STAT5B: variants seen among roughly 807,000 people sequenced by gnomAD.
STAT5B encodes transcription factor STAT5B.
A neutral mutation model predicts 107.8 loss-of-function variants in STAT5B; 21 were observed. The ratio of observed to expected loss-of-function variants is 0.19; its 90% CI spans 0.14 to 0.28. The LOEUF (loss-of-function observed/expected upper bound fraction) is 0.28, where lower values mean the gene tolerates loss of function less well. Among genes scored for constraint, STAT5B ranks in the 10% least tolerant of loss-of-function variants. The pLI is 1.00. For missense variants in STAT5B, 565 were observed against 1,008.2 expected, an observed-to-expected ratio of 0.56 and a Z score of 5.95; for synonymous variants, 325 against 401.7, an observed-to-expected ratio of 0.81 and a Z score of 2.28.
chr17:42,230,388 G>A (rs2080308038), intron 2 of STAT5B, among the ~76,000 whole-genome samples: 1 of 152,172 alleles, frequency 6.6e-6, no homozygotes, highest in Non-Finnish European at 1.5e-5. Flanking sequence ...AAATGAATAT[G>A]TCAGATCGAC....
intron 1 of STAT5B, among the ~76,000 whole-genome samples, chr17:42,268,955 T>A (rs2080698145): frequency 6.6e-6 from 1 of 152,234 alleles, no homozygotes; most frequent in African/African-American, 2.4e-5. Flanking sequence ...AGTTTCTTTT[T>A]ATATAGGCTA....
chr17:42,201,989 A>G, intron 18 of STAT5B, 125 bp from the exon 19 acceptor site: 1 of 891,320 alleles, frequency 1.1e-6, no homozygotes, highest in South Asian at 1.5e-5. Flanking sequence ...CTTCATGGGA[A>G]AAGAACAACC....
intron 5 of STAT5B, 130 bp from the exon 6 acceptor site, chr17:42,219,972 T>C: frequency 1.4e-6 from 2 of 1,468,154 alleles, no homozygotes; most frequent in South Asian, 1.3e-5. Context: ...CAAGTCGGGG[T>C]TCCTGACAGC....
rs1286090091 is a variant in STAT5B at position 42,276,154 on chromosome 17, G to A, written c.-11+94C>T. On this transcript the variant is annotated intron_variant, in intron 1 of 18. Transcript: ENST00000293328. This position sits in a 1 kb window ranked among gnomAD's most constrained non-coding sequence, Gnocchi z 4.8. ...GATGGCGGCGGCGCGGCCCTGACGG[G>A]CGGCTGAGCGGCTGGAGCGCGGGCC... 1.3e-5 allele frequency: 2 copies of A among 148,978 alleles called. No homozygotes were observed. Among genetic ancestry groups the A allele is most frequent in the African/African-American group, 4.9e-5 (2 of 40,974 alleles). 9.2% of individuals were successfully genotyped at this position (148,978 alleles called of 1,614,324 possible). A position where few individuals can be genotyped will look rare whatever the true frequency, so the allele number is the denominator to read the frequency against.
At chr17:42,217,071 C>T (rs970759582) in intron 11 of STAT5B, 89 bp downstream of exon 11, 2 of 1,545,144 alleles carry the variant, frequency 1.3e-6, no homozygotes, top group South Asian at 2.4e-5. Context: ...GAAGAAGATG[C>T]TATGTGATAA....
rs146176992 is a variant in STAT5B, at chr17:42,227,567, G to C, written c.247C>G (p.Leu83Val). ...GCATAGTGCCCCAGCTTGATCTTCA[G>C]TAAAAACCCATCTTCCCCCACCTGG... is the stretch of plus-strand genomic sequence containing the variant. ...EHQVGEDGFL[L>V]KIKLGHYATQ... is the part of the protein sequence containing the mutation. The change falls in exon 3 of 19, where the codon CTG (leucine) becomes GTG (valine). Residue 83 changes from leucine to valine, a missense_variant. Physicochemically the swap from Leu to Val is conservative, Grantham distance 32 (BLOSUM62 1). Around this residue, in one of 11 missense-constraint regions of STAT5B, gnomAD observed 83 missense variants for 145.1 expected, o/e 0.57. Transcript: ENST00000293328. 6.2e-7 allele frequency: 1 copy of C among 1,613,496 alleles called. No individual in the cohort carries two copies. Among genetic ancestry groups the C allele is most frequent in the Non-Finnish European group, 8.5e-7 (1 of 1,179,874 alleles).
chr17:42,285,984 C>T, the STAT5B span, among the ~76,000 whole-genome samples: 3 of 152,070 alleles, frequency 2.0e-5, no homozygotes, highest in Admixed American at 6.5e-5. Context: ...CTTTGGGAGG[C>T]CGAGGCGGGT....
At chr17:42,213,359 A>C (rs1161393220) in intron 12 of STAT5B, among the ~76,000 whole-genome samples, 2 of 151,946 alleles carry the variant, frequency 1.3e-5, no homozygotes, top group East Asian at 1.9e-4. Context: ...GGCGTGCACC[A>C]CCATGCCTGG....
chr17:42,254,417 T>C (rs1053018098), intron 1 of STAT5B, among the ~76,000 whole-genome samples: 14 of 152,070 alleles, frequency 9.2e-5, no homozygotes, highest in African/African-American at 3.4e-4. Flanking sequence ...CTAAATTCCA[T>C]AGATTACTTT....
At chr17:42,258,435 T>C (rs750099759) in intron 1 of STAT5B, among the ~76,000 whole-genome samples, 9 of 152,098 alleles carry the variant, frequency 5.9e-5, no homozygotes, top group Non-Finnish European at 1.3e-4. Context: ...TCCCAGCACT[T>C]TGGGAGGCTG....
At chr17:42,276,694 A>C (rs534000635), upstream of STAT5B, 1 of 151,584 alleles carries the variant, frequency 6.6e-6, no homozygotes, top group South Asian at 2.1e-4. This position sits in a 1 kb window ranked among gnomAD's most constrained non-coding sequence, Gnocchi z 4.8. Flanking sequence ...CCGCAAGCAC[A>C]TGCTGCTTTG....
Position 42,266,334 on chromosome 17 carries a change from C to T in STAT5B, c.-11+9914G>A, listed in dbSNP as rs866553719. Among the ~76,000 whole-genome samples the T allele has an allele frequency of 1.1e-4, 16 of 151,486 alleles. No homozygotes were observed. The Middle Eastern group carries it at 0.01, about 97-fold the overall frequency. On this transcript the variant is annotated intron_variant, in intron 1 of 18. Transcript: ENST00000293328. Reference sequence around the variant, plus strand: ...CTTGAGCTCAGGACTTTGAGACCAGCCCGGGCAACATAGTGAGACCCCACT... The same window carrying T: ...CTTGAGCTCAGGACTTTGAGACCAGTCCGGGCAACATAGTGAGACCCCACT...
At chr17:42,283,672 G>A in the STAT5B span, among the ~76,000 whole-genome samples, 3 of 152,200 alleles carry the variant, frequency 2.0e-5, no homozygotes, top group African/African-American at 7.2e-5. Flanking sequence ...CGGCAGGAAC[G>A]GGCTTCACCC....
chr17:42,243,162 ATG>A (rs922969939), intron 1 of STAT5B, among the ~76,000 whole-genome samples: 9 of 151,106 alleles, frequency 6.0e-5, no homozygotes, highest in African/African-American at 1.5e-4. Flanking sequence ...TAAAAAATAT[ATG>A]TGTTTATACT....
intron 1 of STAT5B, among the ~76,000 whole-genome samples, chr17:42,255,610 T>C (rs531960126): frequency 3.9e-5 from 6 of 152,292 alleles, no homozygotes; most frequent in African/African-American, 9.6e-5. Context: ...GTCAAACTCA[T>C]AGAGACAGAA....
chr17:42,201,726 G>C lies in STAT5B; in HGVS notation c.*12C>G. On this transcript the variant is annotated 3_prime_UTR_variant, in exon 19 of 19. Transcript: ENST00000293328. Reference sequence around the variant, plus strand: ...TGAAGATGAAGAAGCTGAAGATGGAGAGGTCGCGGGGTCACGATTGTGCGT... The same window carrying C: ...TGAAGATGAAGAAGCTGAAGATGGACAGGTCGCGGGGTCACGATTGTGCGT... The C allele has an allele frequency of 6.7e-7, 1 of 1,498,234 alleles. No homozygotes were observed. The highest frequency in any genetic ancestry group is 9.3e-7 in the Non-Finnish European group (1 of 1,074,088). The allele number at this position is 1,498,234 out of a possible 1,614,324, so 92.8% of individuals were successfully genotyped here.
intron 12 of STAT5B, among the ~76,000 whole-genome samples, chr17:42,213,105 G>C (rs368748056): frequency 2.6e-5 from 4 of 152,170 alleles, no homozygotes; most frequent in African/African-American, 9.7e-5. Context: ...ATGGGCATCA[G>C]TGTTACAGCC....
intron 18 of STAT5B, 89 bp downstream of exon 18, chr17:42,202,251 G>T: frequency 6.7e-7 from 1 of 1,487,454 alleles, no homozygotes; most frequent in Non-Finnish European, 9.3e-7. Flanking sequence ...AGGAGCTCTG[G>T]ATTCCTTTGA....
At chr17:42,256,456 T>C (rs764325812) in intron 1 of STAT5B, among the ~76,000 whole-genome samples, 7 of 152,210 alleles carry the variant, frequency 4.6e-5, no homozygotes, top group Middle Eastern at 3.2e-3. Context: ...TGGATACACC[T>C]GCTGTATTGA....
Sources: gnomAD v4.1 joint callset for allele counts (sites outside exome capture counted in the v4.1 genomes callset) on GRCh38, gnomAD v4.1.1 for gene constraint, gnomAD v4.1.1 regional missense constraint, Gnocchi (gnomAD v3.1) non-coding constraint, MANE v1.5 for transcripts, NCBI Gene and HGNC (gene_info 2026-07-23, HGNC 2026-07-21) for gene names.